The following MITF variants were observed in gnomAD, a reference collection of about 807,000 sequenced individuals.
MITF encodes the protein microphthalmia-associated transcription factor.
Under a neutral mutation model 60.5 loss-of-function variants are expected in MITF, and 17 were observed. The observed-to-expected ratio is 0.28, with a 90% confidence interval of 0.19 to 0.42. The LOEUF (loss-of-function observed/expected upper bound fraction) is 0.42. MITF is among the 10% of genes least tolerant of loss of function. The pLI, the probability that MITF is intolerant of heterozygous loss-of-function variation, is 1.00. For synonymous variants in MITF, 260 were observed against 248.5 expected (o/e 1.05, Z -0.43); for missense variants, 622 against 683.5 (o/e 0.91, Z 1.00).
At position 69,739,606 on chromosome 3, in the gene MITF, C is replaced by T; in HGVS notation, c.9C>T (p.Ser3=). ...GACGGGAAGCGGGAGCCATGCAGTC[C>T]GAATCGGGGATCGTGCCGGATTTCG... MQ[S]ESGIVPDFEV... The change falls in exon 1 of 10, where the codon TCC becomes TCT. Residue 3 remains serine, a synonymous_variant. Transcript: ENST00000352241. 2 of 1,574,716 alleles carry T rather than the reference C, an allele frequency of 1.3e-6. No homozygotes were observed. Among genetic ancestry groups the T allele is most frequent in the Middle Eastern group, 1.7e-4 (1 of 6,022 alleles).
intron 2 of MITF, among the ~76,000 whole-genome samples, chr3:69,933,199 T>TAATA (rs1011912861): frequency 1.3e-4 from 20 of 151,864 alleles, no homozygotes; most frequent in African/African-American, 3.9e-4. Context: ...TCTAAAAATA[T>TAATA]AATAAATAAA....
intron 2 of MITF, among the ~76,000 whole-genome samples, chr3:69,891,953 A>G (rs2064769435): frequency 6.6e-6 from 1 of 152,212 alleles, no homozygotes; most frequent in Non-Finnish European, 1.5e-5. Context: ...TGAATTGAGG[A>G]TAAGAAAACA....
chr3:69,841,901 A>C (rs9845679), intron 1 of MITF, among the ~76,000 whole-genome samples: 75,797 of 151,968 alleles, frequency 0.5, 20,548 homozygotes, highest in Non-Finnish European at 0.63. Context: ...GAAGATGATG[A>C]ATAATTTGTT....
intron 1 of MITF, among the ~76,000 whole-genome samples, chr3:69,824,656 T>G (rs1214516044): frequency 6.6e-6 from 1 of 152,204 alleles, no homozygotes; most frequent in Non-Finnish European, 1.5e-5. Flanking sequence ...AGGGCTTGTT[T>G]CCCACAGCAC....
intron 2 of MITF, among the ~76,000 whole-genome samples, chr3:69,891,079 C>T (rs1003688477): frequency 6.6e-6 from 1 of 152,124 alleles, no homozygotes. Flanking sequence ...TATTATCTTC[C>T]ATTAACATAA....
At chr3:69,792,140 C>A (rs1274970129) in intron 1 of MITF, among the ~76,000 whole-genome samples, 1 of 152,158 alleles carries the variant, frequency 6.6e-6, no homozygotes, top group Non-Finnish European at 1.5e-5. Context: ...CTATCTGATG[C>A]AGAATTTTCA....
chr3:69,858,941 A>G (rs1006210206), intron 1 of MITF, among the ~76,000 whole-genome samples: 4 of 152,062 alleles, frequency 2.6e-5, no homozygotes, highest in African/African-American at 9.7e-5. Flanking sequence ...ATTGAGTGCT[A>G]TTTTTCTTGT....
At chr3:69,922,146 A>C (rs2065481300) in intron 2 of MITF, among the ~76,000 whole-genome samples, 1 of 152,178 alleles carries the variant, frequency 6.6e-6, no homozygotes, top group Non-Finnish European at 1.5e-5. Flanking sequence ...GATAGAAATG[A>C]AGTATTTTCT....
chr3:69,943,072 CT>C (rs781031439), intron 5 of MITF, among the ~76,000 whole-genome samples: 1,455 of 124,896 alleles, frequency 0.012, 11 homozygotes, highest in East Asian at 0.022. Flanking sequence ...TTAGCCTCCT[CT>C]TTTTTTTTTT....
chr3:69,945,286 A>G (rs1314687042), intron 5 of MITF, among the ~76,000 whole-genome samples: 1 of 152,182 alleles, frequency 6.6e-6, no homozygotes, highest in South Asian at 2.1e-4. Context: ...ACCCAGGCGC[A>G]TCTTCCTTCA....
At chr3:69,812,191 T>C (rs1235675150) in intron 1 of MITF, among the ~76,000 whole-genome samples, 3 of 152,146 alleles carry the variant, frequency 2.0e-5, no homozygotes, top group African/African-American at 7.2e-5. Flanking sequence ...CAGTAAGTTA[T>C]AGTCTTAGCT....
intron 1 of MITF, among the ~76,000 whole-genome samples, chr3:69,871,409 C>A (rs2064234101): frequency 6.6e-6 from 1 of 152,154 alleles, no homozygotes; most frequent in Admixed American, 6.5e-5. Flanking sequence ...AACACCATAA[C>A]CTCATGAACT....
At chr3:69,778,487 G>A (rs186424331) in intron 1 of MITF, among the ~76,000 whole-genome samples, 17 of 152,222 alleles carry the variant, frequency 1.1e-4, no homozygotes, top group Admixed American at 9.8e-4. Context: ...AATCACTGCC[G>A]TTGTTTAGTG....
At chr3:69,793,177 C>A (rs2062770336) in intron 1 of MITF, among the ~76,000 whole-genome samples, 1 of 132,372 alleles carries the variant, frequency 7.6e-6, no homozygotes, top group Admixed American at 7.2e-5. Flanking sequence ...CCACACCTGG[C>A]TAATTTTTTT....
intron 9 of MITF, among the ~76,000 whole-genome samples, chr3:69,961,028 TTC>T (rs1023575050): frequency 2.0e-5 from 3 of 152,226 alleles, no homozygotes; most frequent in Non-Finnish European, 2.9e-5. Context: ...TGGTTTTATG[TTC>T]TGTCTCTTCA....
chr3:69,950,437 C>T (rs2066213575), intron 6 of MITF, among the ~76,000 whole-genome samples: 1 of 139,328 alleles, frequency 7.2e-6, no homozygotes, highest in East Asian at 2.1e-4. Context: ...TGAAAGAATT[C>T]AACTTCTGAG....
intron 1 of MITF, among the ~76,000 whole-genome samples, chr3:69,808,940 G>A (rs2063056801): frequency 6.6e-6 from 1 of 152,120 alleles, no homozygotes; most frequent in Admixed American, 6.6e-5. Flanking sequence ...GGGGACAAAA[G>A]TAAGTTTGGG....
intron 1 of MITF, among the ~76,000 whole-genome samples, chr3:69,769,211 A>T (rs2062353051): frequency 6.6e-6 from 1 of 152,160 alleles, no homozygotes; most frequent in Non-Finnish European, 1.5e-5. Flanking sequence ...TAATAATAAC[A>T]GTAATAATAA....
At chr3:69,958,627 T>C (rs2066460097) in intron 8 of MITF, among the ~76,000 whole-genome samples, 1 of 152,110 alleles carries the variant, frequency 6.6e-6, no homozygotes, top group Non-Finnish European at 1.5e-5. Context: ...AATTTAGTAG[T>C]GAGATCTCAC....
Sources: gnomAD v4.1 joint callset for allele counts (sites outside exome capture counted in the v4.1 genomes callset) on GRCh38, gnomAD v4.1.1 for gene constraint, MANE v1.5 for transcripts, NCBI Gene and HGNC (gene_info 2026-07-23, HGNC 2026-07-21) for gene names.